The following ENPP6 variants were observed in gnomAD, a reference collection of about 807,000 sequenced individuals.
The protein encoded by ENPP6 is glycerophosphocholine cholinephosphodiesterase ENPP6.
In ENPP6, 32 loss-of-function variants were observed where a neutral mutation model predicts 42.0. That is an observed-to-expected ratio of 0.76 (90% CI 0.58 to 1.02). The LOEUF is 1.02. Ranked by LOEUF, ENPP6 falls within the 50% of genes least tolerant of loss-of-function variation. ENPP6 has a pLI of 0.00. For missense variants in ENPP6, 552 were observed against 566.8 expected (o/e 0.97, Z 0.27); for synonymous variants, 213 against 216.0 (o/e 0.99, Z 0.12).
At chr4:184,111,497 A>G (rs1388753274) in intron 6 of ENPP6, among the ~76,000 whole-genome samples, 1 of 152,164 alleles carries the variant, frequency 6.6e-6, no homozygotes, top group Non-Finnish European at 1.5e-5. Flanking sequence ...AGGTGACCTC[A>G]CACTCTGTGA....
intron 1 of ENPP6, among the ~76,000 whole-genome samples, chr4:184,203,667 G>A (rs1357631952): frequency 1.3e-5 from 2 of 152,206 alleles, no homozygotes; most frequent in African/African-American, 2.4e-5. Context: ...GGAAAGCGCA[G>A]AACATGTTCT....
In ENPP6 at chr4:184,214,509, G is replaced by A. The variant is rs544009866; in HGVS notation, c.241+3070C>T. ...TCCGCTATTTGCATACTTTCTACACGAAGGCCTCCTAGGAGGGTCCAGCCC... is the reference window on the plus strand; with the variant it reads ...TCCGCTATTTGCATACTTTCTACACAAAGGCCTCCTAGGAGGGTCCAGCCC... On this transcript the variant is annotated intron_variant, in intron 1 of 7. Transcript: ENST00000296741. Among the ~76,000 whole-genome samples, 8 of 152,114 alleles carry A rather than the reference G, an allele frequency of 5.3e-5. No individual in the cohort carries two copies. The East Asian group carries it at 1.2e-3, about 22-fold the overall frequency.
intron 1 of ENPP6, among the ~76,000 whole-genome samples, chr4:184,209,238 A>G (rs928750398): frequency 6.6e-6 from 1 of 151,450 alleles, no homozygotes; most frequent in Non-Finnish European, 1.5e-5. Context: ...TGGATGGAGA[A>G]TGACTTTGAC....
chr4:184,117,131 C>T, intron 4 of ENPP6, 96 bp from the exon 5 acceptor site: 1 of 1,396,804 alleles, frequency 7.2e-7, no homozygotes, highest in South Asian at 1.3e-5. Flanking sequence ...GAAAGGCTAT[C>T]TCCTCAGTTC....
At chr4:184,121,915 A>T (rs1399112347) in intron 3 of ENPP6, among the ~76,000 whole-genome samples, 1 of 152,204 alleles carries the variant, frequency 6.6e-6, no homozygotes, top group African/African-American at 2.4e-5. Context: ...TAATAATAAC[A>T]CACAGGTTGG....
intron 1 of ENPP6, among the ~76,000 whole-genome samples, chr4:184,195,198 G>T (rs1277687275): frequency 6.6e-6 from 1 of 152,020 alleles, no homozygotes; most frequent in African/African-American, 2.4e-5. Context: ...GTGTCACGTG[G>T]GTTTGTTGTA....
chr4:184,117,598 C>A (rs948469774), intron 4 of ENPP6, among the ~76,000 whole-genome samples, 161 bp downstream of exon 4: 1 of 152,290 alleles, frequency 6.6e-6, no homozygotes, highest in Non-Finnish European at 1.5e-5. Flanking sequence ...CACTTGGTAT[C>A]GCAGGAGGCA....
At chr4:184,133,778 G>A (rs1260501404) in intron 2 of ENPP6, among the ~76,000 whole-genome samples, 1 of 151,352 alleles carries the variant, frequency 6.6e-6, no homozygotes, top group African/African-American at 2.4e-5. Context: ...AATAAATCTA[G>A]TTTAGGATTG....
intron 7 of ENPP6, among the ~76,000 whole-genome samples, chr4:184,092,394 T>G (rs1220713284): frequency 6.6e-6 from 1 of 152,216 alleles, no homozygotes; most frequent in Non-Finnish European, 1.5e-5. Context: ...GTGCAGGCTC[T>G]GAGCGATCTA....
intron 1 of ENPP6, among the ~76,000 whole-genome samples, chr4:184,162,559 A>AGG (rs1560997410): frequency 8.2e-6 from 1 of 121,920 alleles, no homozygotes; most frequent in South Asian, 2.9e-4. Flanking sequence ...AAGGAAGGAA[A>AGG]GAAGGAAGGA....
At chr4:184,115,856 G>A (rs1202107294) in intron 5 of ENPP6, among the ~76,000 whole-genome samples, 1 of 152,154 alleles carries the variant, frequency 6.6e-6, no homozygotes, top group African/African-American at 2.4e-5. Context: ...CTGAGAAAGG[G>A]CAGCCTAGGG....
intron 1 of ENPP6, among the ~76,000 whole-genome samples, chr4:184,163,782 T>C (rs567951568): frequency 2.0e-5 from 3 of 152,336 alleles, no homozygotes; most frequent in African/African-American, 7.2e-5. Flanking sequence ...CAGGCGACAG[T>C]GGTTGTGTCT....
chr4:184,167,601 G>C (rs533570297), intron 1 of ENPP6, among the ~76,000 whole-genome samples: 2 of 152,122 alleles, frequency 1.3e-5, no homozygotes, highest in Admixed American at 6.5e-5. Context: ...CCGCTTTTTT[G>C]GGGGGAAAGA....
intron 7 of ENPP6, among the ~76,000 whole-genome samples, chr4:184,092,724 G>T (rs1039240677): frequency 3.3e-5 from 5 of 152,226 alleles, no homozygotes; most frequent in African/African-American, 1.2e-4. Flanking sequence ...TCAGGGAGGA[G>T]ATTTAAGCCA....
At position 184,153,746 on chromosome 4, in the gene ENPP6, G is replaced by A; in HGVS notation, c.242-13C>T. The A allele has an allele frequency of 6.2e-7, 1 of 1,610,948 alleles. No individual in the cohort carries two copies. The highest frequency in any genetic ancestry group is 1.7e-4 in the Middle Eastern group (1 of 6,048). ...TCACAATGGCGGCCTATGTCAATGA[G>A]AACACAGCTGTCAGTTTACGGTTCT... is the stretch of plus-strand genomic sequence containing the variant. On this transcript the variant is annotated splice_polypyrimidine_tract_variant and intron_variant, in intron 1 of 7. Transcript: ENST00000296741.
chr4:184,140,037 AATG>A (rs1302210675), intron 2 of ENPP6, among the ~76,000 whole-genome samples: 3 of 147,272 alleles, frequency 2.0e-5, no homozygotes, highest in Non-Finnish European at 3.0e-5. Flanking sequence ...CTGACTTTTT[AATG>A]ATTGCCATTC....
At chr4:184,151,335 T>C (rs1579637104) in intron 2 of ENPP6, among the ~76,000 whole-genome samples, 1 of 152,308 alleles carries the variant, frequency 6.6e-6, no homozygotes, top group African/African-American at 2.4e-5. Context: ...TGAAACTCTG[T>C]CAAAAACAAA....
At chr4:184,133,937 A>G (rs1360159903) in intron 2 of ENPP6, among the ~76,000 whole-genome samples, 8 of 150,178 alleles carry the variant, frequency 5.3e-5, no homozygotes, top group African/African-American at 2.0e-4. Context: ...TCAATGTTAA[A>G]CCTGGGTTTT....
chr4:184,123,342 C>G (rs1468535492), intron 3 of ENPP6, among the ~76,000 whole-genome samples: 1 of 152,104 alleles, frequency 6.6e-6, no homozygotes, highest in Non-Finnish European at 1.5e-5. Context: ...CAGCTTGAAA[C>G]CAGGCTCCTT....
Sources: allele counts gnomAD v4.1 joint callset (sites outside exome capture counted in the v4.1 genomes callset), GRCh38; gene constraint gnomAD v4.1.1; transcripts MANE v1.5; gene names NCBI Gene and HGNC (gene_info 2026-07-23, HGNC 2026-07-21).